The following ERCC6L2 variants were observed in gnomAD, a reference collection of about 807,000 sequenced individuals.
ERCC6L2 encodes the protein ERCC excision repair 6 like 2, also known as DNA excision repair protein ERCC-6-like 2.
Under a neutral mutation model 132.0 loss-of-function variants are expected in ERCC6L2, and 77 were observed. The ratio of observed to expected loss-of-function variants is 0.58; its 90% CI spans 0.49 to 0.71. The LOEUF is 0.71. ERCC6L2 is among the 30% of genes least tolerant of loss of function. The pLI, the probability that ERCC6L2 is intolerant of heterozygous loss-of-function variation, is 0.00. For missense variants in ERCC6L2, 1,542 were observed against 1,837.6 expected (o/e 0.84, Z 2.94); for synonymous variants, 583 against 632.4 (o/e 0.92, Z 1.17).
chr9:95,983,965 C>T (rs1235499624), intron 17 of ERCC6L2, among the ~76,000 whole-genome samples: 1 of 151,956 alleles, frequency 6.6e-6, no homozygotes, highest in Admixed American at 6.6e-5. Context: ...TTTACTTTTC[C>T]AATATGACAA....
At chr9:95,915,516 T>G (rs944669346) in intron 4 of ERCC6L2, 152 bp from the exon 5 acceptor site, 2 of 731,366 alleles carry the variant, frequency 2.7e-6, no homozygotes, top group Admixed American at 5.6e-5. Flanking sequence ...TGTGACCATT[T>G]AACTAAGTGG....
chr9:95,878,871 G>A (rs866031696), intron 1 of ERCC6L2, among the ~76,000 whole-genome samples: 2,171 of 150,834 alleles, frequency 0.014, 48 homozygotes, highest in African/African-American at 0.05. Context: ...ATTCCATGGT[G>A]TATATGTGCC....
At chr9:95,920,831 C>T (rs906553276) in intron 6 of ERCC6L2, among the ~76,000 whole-genome samples, 1 of 152,146 alleles carries the variant, frequency 6.6e-6, no homozygotes, top group South Asian at 2.1e-4. Context: ...GGCTGTAGTG[C>T]AGTGGCGTGA....
At chr9:96,029,739 A>G (rs1834430083) in intron 19 of ERCC6L2, among the ~76,000 whole-genome samples, 2 of 152,176 alleles carry the variant, frequency 1.3e-5, no homozygotes, top group Non-Finnish European at 2.9e-5. Context: ...ACATTGCCAC[A>G]CATGTCAAAC....
rs752491245 is a variant in ERCC6L2 at position 95,881,146 on chromosome 9, A to G, written c.324A>G (p.Leu108=). 1.6e-5 allele frequency: 26 copies of G among 1,613,812 alleles called. No homozygotes were observed. The highest frequency in any genetic ancestry group is 2.1e-5 in the Non-Finnish European group (25 of 1,179,878). Residue 108 remains leucine, a synonymous_variant, in exon 2 of 19, where the codon TTA becomes TTG. Coordinates refer to ENST00000653738, the MANE Select transcript of ERCC6L2 (RefSeq NM_020207.7). Reference sequence around the variant, plus strand: ...CATCATCTTCTGTTGCTTTTAAATTATCTGACAATGGAGACTCTATTCCTT... The same window carrying G: ...CATCATCTTCTGTTGCTTTTAAATTGTCTGACAATGGAGACTCTATTCCTT... ...KFPSSSVAFK[L]SDNGDSIPYT... is the part of the protein sequence containing the mutation.
chr9:96,040,278 C>T (rs941561322), intron 20 of ERCC6L2, among the ~76,000 whole-genome samples: 1 of 152,144 alleles, frequency 6.6e-6, no homozygotes, highest in Non-Finnish European at 1.5e-5. Context: ...CACGTCCTCC[C>T]TGGGCACGAC....
At chr9:95,929,007 A>G (rs112562840) in intron 11 of ERCC6L2, 143 bp downstream of exon 11, 2 of 533,372 alleles carry the variant, frequency 3.7e-6, no homozygotes, top group Non-Finnish European at 6.2e-6. Context: ...CGAAATTTCA[A>G]TGTCTTAAGT....
At chr9:95,983,127 A>G (rs17305138) in intron 17 of ERCC6L2, among the ~76,000 whole-genome samples, 13,306 of 152,256 alleles carry the variant, frequency 0.087, 665 homozygotes, top group Admixed American at 0.14. Context: ...GTAGCCTGCT[A>G]TTATTTTTGT....
intron 2 of ERCC6L2, among the ~76,000 whole-genome samples, chr9:95,893,604 A>G (rs902204520): frequency 1.3e-5 from 2 of 152,186 alleles, no homozygotes; most frequent in Non-Finnish European, 2.9e-5. Flanking sequence ...TGGAAGGTTT[A>G]TAATTACATA....
intron 11 of ERCC6L2, among the ~76,000 whole-genome samples, chr9:95,929,505 C>T (rs1830244800): frequency 6.6e-6 from 1 of 152,164 alleles, no homozygotes. Flanking sequence ...TATAGATTCA[C>T]TCCCACTGTC....
At position 95,972,403 on chromosome 9, in the gene ERCC6L2, A is replaced by C; in HGVS notation, c.2652A>C (p.Lys884Asn). 9 of 1,273,606 alleles carry C rather than the reference A, an allele frequency of 7.1e-6. No individual in the cohort carries two copies. Among genetic ancestry groups the C allele is most frequent in the Non-Finnish European group, 9.1e-6 (9 of 983,952 alleles). 78.9% of individuals were successfully genotyped at this position (1,273,606 alleles called of 1,614,324 possible). A position where few individuals can be genotyped will look rare whatever the true frequency, so the allele number is the denominator to read the frequency against. The change falls in exon 16 of 19, where the codon AAA (lysine) becomes AAC (asparagine). Residue 884 changes from lysine (K) to asparagine (N), a missense_variant. Physicochemically the swap from Lys to Asn is moderately conservative, Grantham distance 94. Coordinates refer to ENST00000653738, the MANE Select transcript of ERCC6L2 (RefSeq NM_020207.7). ...ISSKSDEKKIKNTDKHCILQN... is the reference protein window; with the variant it reads ...ISSKSDEKKINNTDKHCILQN... ...CCAAGTCTGACGAGAAAAAAATTAA[A>C]AATACAGATAAACATTGCATTTTAC...
At chr9:95,923,404 A>G (rs1347940815) in intron 9 of ERCC6L2, 25 bp downstream of exon 9, 7 of 1,611,356 alleles carry the variant, frequency 4.3e-6, no homozygotes, top group Non-Finnish European at 5.9e-6. Flanking sequence ...TTCAGGTTGC[A>G]TACAGACATG....
chr9:95,942,985 C>T (rs925067051), intron 12 of ERCC6L2, among the ~76,000 whole-genome samples: 4 of 152,104 alleles, frequency 2.6e-5, no homozygotes, highest in African/African-American at 7.2e-5. Flanking sequence ...GCAGATCAGA[C>T]TTTGAAGAAC....
At chr9:95,923,736 CAG>C (rs978293983) in intron 9 of ERCC6L2, among the ~76,000 whole-genome samples, 17 of 152,180 alleles carry the variant, frequency 1.1e-4, no homozygotes, top group African/African-American at 2.6e-4. Context: ...TAATGCAAAA[CAG>C]GGGGGTAAGG....
At chr9:96,034,715 G>A (rs1834500198) in intron 19 of ERCC6L2, among the ~76,000 whole-genome samples, 1 of 150,884 alleles carries the variant, frequency 6.6e-6, no homozygotes. Flanking sequence ...GGAATTCCCT[G>A]GGTGCTGCTG....
At chr9:95,991,468 T>G (rs1833299677) in intron 17 of ERCC6L2, among the ~76,000 whole-genome samples, 1 of 152,178 alleles carries the variant, frequency 6.6e-6, no homozygotes, top group South Asian at 2.1e-4. Flanking sequence ...ACTAGCCTCT[T>G]TTTTATAGAA....
intron 2 of ERCC6L2, among the ~76,000 whole-genome samples, chr9:95,894,268 A>G (rs1828325344): frequency 6.6e-6 from 1 of 152,210 alleles, no homozygotes; most frequent in East Asian, 1.9e-4. Context: ...TTTTTATACC[A>G]TTGTAAATTG....
chr9:95,935,587 A>G (rs1307482634), intron 11 of ERCC6L2, among the ~76,000 whole-genome samples: 1 of 152,204 alleles, frequency 6.6e-6, no homozygotes, highest in Non-Finnish European at 1.5e-5. Flanking sequence ...CAGAGGAGAA[A>G]GATTTAGTTC....
chr9:96,040,266 G>A (rs553764123), intron 20 of ERCC6L2, among the ~76,000 whole-genome samples: 25 of 152,036 alleles, frequency 1.6e-4, no homozygotes, highest in African/African-American at 5.3e-4. Context: ...TTTTCTGGGC[G>A]TCACGTCCTC....
Sources: allele counts gnomAD v4.1 joint callset (sites outside exome capture counted in the v4.1 genomes callset), GRCh38; gene constraint gnomAD v4.1.1; transcripts MANE v1.5; gene names NCBI Gene and HGNC (gene_info 2026-07-23, HGNC 2026-07-21).